CSTA: variants seen among roughly 807,000 people sequenced by gnomAD.
CSTA encodes cystatin A, also known as cystatin-A.
CSTA carries 9 observed loss-of-function variants against 9.2 expected under a neutral mutation model. That is an observed-to-expected ratio of 0.97 (90% CI 0.59 to 1.70). CSTA has a LOEUF of 1.70. Among genes scored for constraint, CSTA ranks in the 40% most tolerant of loss-of-function variants. The pLI, the probability that CSTA is intolerant of heterozygous loss-of-function variation, is 0.00. For missense variants in CSTA, 118 were observed against 113.1 expected (o/e 1.04, Z -0.20); for synonymous variants, 36 against 40.6 (o/e 0.89, Z 0.43).
chr3:122,336,840 T>C (rs1380118318), intron 1 of CSTA, among the ~76,000 whole-genome samples: 1 of 152,168 alleles, frequency 6.6e-6, no homozygotes, highest in Non-Finnish European at 1.5e-5. Context: ...ACATGTATAA[T>C]ACTAACATAA....
intron 1 of CSTA, among the ~76,000 whole-genome samples, chr3:122,326,881 T>G (rs1239569502): frequency 6.6e-6 from 1 of 152,190 alleles, no homozygotes; most frequent in East Asian, 1.9e-4. Context: ...ACCCATGGCC[T>G]TGCTTGCTGG....
intron 2 of CSTA, among the ~76,000 whole-genome samples, chr3:122,340,972 T>C (rs1032365483): frequency 6.6e-6 from 1 of 151,138 alleles, no homozygotes; most frequent in Non-Finnish European, 1.5e-5. Context: ...GACAAACTCT[T>C]GCTCTATCAC....
intron 1 of CSTA, among the ~76,000 whole-genome samples, chr3:122,331,596 G>A (rs575146237): frequency 6.6e-6 from 1 of 152,258 alleles, no homozygotes; most frequent in Non-Finnish European, 1.5e-5. Flanking sequence ...AGCTACTACT[G>A]TTCCAGAATC....
At chr3:122,330,697 G>T (rs2075199321) in intron 1 of CSTA, among the ~76,000 whole-genome samples, 1 of 152,158 alleles carries the variant, frequency 6.6e-6, no homozygotes, top group African/African-American at 2.4e-5. Flanking sequence ...TATTTGGGGA[G>T]ACAAGTTGTC....
In CSTA at chr3:122,328,328, C is replaced by G. The variant is rs544096165; in HGVS notation, c.66+2970C>G. ...CCAGCCTGGCCAACATGGTGAAACC[C>G]TGTCTCTACTAAAAATACAAAAATT... On this transcript the variant is annotated intron_variant, in intron 1 of 2. Coordinates refer to ENST00000264474, the MANE Select transcript of CSTA (RefSeq NM_005213.4). Among the ~76,000 whole-genome samples the G allele has an allele frequency of 1.1e-3, 170 of 151,912 alleles. 1 individual carries two copies. Among genetic ancestry groups the G allele is most frequent in the African/African-American group, 4.0e-3 (165 of 41,422 alleles).
intron 1 of CSTA, among the ~76,000 whole-genome samples, chr3:122,326,260 G>C (rs2075170232): frequency 6.6e-6 from 1 of 152,082 alleles, no homozygotes; most frequent in Admixed American, 6.5e-5. Context: ...TGAATTCCTG[G>C]GCTCAAGCCA....
At chr3:122,339,335 A>C (rs575768487) in intron 2 of CSTA, among the ~76,000 whole-genome samples, 8 of 152,246 alleles carry the variant, frequency 5.3e-5, no homozygotes, top group Non-Finnish European at 1.2e-4. Context: ...ACTATGCACT[A>C]TTCTAAGAAC....
chr3:122,332,162 T>A (rs921787950), intron 1 of CSTA, among the ~76,000 whole-genome samples: 1 of 152,198 alleles, frequency 6.6e-6, no homozygotes, highest in African/African-American at 2.4e-5. Flanking sequence ...TGGGAACACC[T>A]GTCTTAGGAG....
chr3:122,332,106 G>A (rs146347519), intron 1 of CSTA, among the ~76,000 whole-genome samples: 70 of 152,258 alleles, frequency 4.6e-4, no homozygotes, highest in Admixed American at 1.7e-3. Context: ...TGTGCAGCCC[G>A]ATTCCTAACA....
intron 1 of CSTA, among the ~76,000 whole-genome samples, chr3:122,330,652 G>C (rs775076989): frequency 1.3e-5 from 2 of 152,194 alleles, no homozygotes; most frequent in Non-Finnish European, 2.9e-5. Flanking sequence ...AAGATTCTCC[G>C]TATTAGCTGA....
chr3:122,328,029 G>T (rs1413656898), intron 1 of CSTA, among the ~76,000 whole-genome samples: 4 of 152,126 alleles, frequency 2.6e-5, no homozygotes, highest in Non-Finnish European at 5.9e-5. Flanking sequence ...TCATCAGAGA[G>T]GTAGAATGAG....
intron 1 of CSTA, among the ~76,000 whole-genome samples, chr3:122,332,103 C>T (rs1308921050): frequency 1.3e-5 from 2 of 152,202 alleles, no homozygotes; most frequent in East Asian, 1.9e-4. Context: ...TGCTGTGCAG[C>T]CCGATTCCTA....
intron 1 of CSTA, among the ~76,000 whole-genome samples, chr3:122,332,137 C>A (rs2075208780): frequency 6.6e-6 from 1 of 152,178 alleles, no homozygotes; most frequent in Admixed American, 6.5e-5. Flanking sequence ...GGGTACTGGT[C>A]TGCAGCCCAG....
chr3:122,333,804 A>T (rs2075221731), intron 1 of CSTA, among the ~76,000 whole-genome samples: 1 of 152,246 alleles, frequency 6.6e-6, no homozygotes, highest in African/African-American at 2.4e-5. Flanking sequence ...ATGACTGAAA[A>T]GCAGAAGGAA....
chr3:122,333,944 ATAC>A (rs558662163), intron 1 of CSTA, among the ~76,000 whole-genome samples: 71 of 152,322 alleles, frequency 4.7e-4, no homozygotes, highest in African/African-American at 1.7e-3. Context: ...GTTTAAATGG[ATAC>A]TTTGGGGGTT....
At position 122,325,376 on chromosome 3, in the gene CSTA, A is replaced by G. The variant is rs761883352; in HGVS notation, c.66+18A>G. 1.2e-6 allele frequency: 2 copies of G among 1,613,628 alleles called. No homozygotes were observed. Among genetic ancestry groups the G allele is most frequent in the South Asian group, 2.2e-5 (2 of 91,076 alleles). On this transcript the variant is annotated intron_variant, in intron 1 of 2. Coordinates refer to ENST00000264474, the MANE Select transcript of CSTA (RefSeq NM_005213.4). ...TTGATAAGGTGAGTTGATGCCATTC[A>G]GGAAAAAGTCTGAGCCAAAATCTTG...
chr3:122,334,972 C>T (rs2075228110), intron 1 of CSTA, among the ~76,000 whole-genome samples: 2 of 152,156 alleles, frequency 1.3e-5, no homozygotes, highest in South Asian at 4.1e-4. Flanking sequence ...GACAGTGAGA[C>T]CTCCCATAGT....
At chr3:122,325,507 A>G in intron 1 of CSTA, 149 bp downstream of exon 1, 1 of 759,456 alleles carries the variant, frequency 1.3e-6, no homozygotes, top group Non-Finnish European at 2.3e-6. Flanking sequence ...ATGAAATAAG[A>G]GTTTTTCAGA....
chr3:122,338,905 C>T (rs2107668682), intron 2 of CSTA, among the ~76,000 whole-genome samples: 1 of 152,228 alleles, frequency 6.6e-6, no homozygotes, highest in East Asian at 1.9e-4. Context: ...AATTTGTTCC[C>T]TTGACCACCC....
Sources: gnomAD v4.1 joint callset for allele counts (sites outside exome capture counted in the v4.1 genomes callset) on GRCh38, gnomAD v4.1.1 for gene constraint, MANE v1.5 for transcripts, NCBI Gene and HGNC (gene_info 2026-07-23, HGNC 2026-07-21) for gene names.